The following KIAA1328 variants were observed in gnomAD, a reference collection of about 807,000 sequenced individuals.
The protein encoded by KIAA1328 is protein hinderin.
In KIAA1328, 52 loss-of-function variants were observed where a neutral mutation model predicts 68.1. The observed-to-expected ratio is 0.76, with a 90% CI of 0.61 to 0.96. KIAA1328 has a LOEUF of 0.96. KIAA1328 is among the 40% of genes least tolerant of loss of function. The probability of loss-of-function intolerance (pLI) is 0.00; values close to 1 mark genes in which losing one functional copy is unlikely to be tolerated. For synonymous variants in KIAA1328, 232 were observed against 239.4 expected (o/e 0.97, Z 0.28); for missense variants, 641 against 677.6 (o/e 0.95, Z 0.60).
intron 5 of KIAA1328, among the ~76,000 whole-genome samples, chr18:36,896,446 G>A (rs1447763323): frequency 6.6e-6 from 1 of 152,088 alleles, no homozygotes; most frequent in African/African-American, 2.4e-5. Flanking sequence ...TCCTCAGAGA[G>A]CAACTTCTAT....
At chr18:37,199,515 A>G (rs2154219180) in intron 9 of KIAA1328, among the ~76,000 whole-genome samples, 1 of 152,264 alleles carries the variant, frequency 6.6e-6, no homozygotes, top group East Asian at 1.9e-4. Flanking sequence ...CATTTGGTTG[A>G]TTCCGTGTCT....
chr18:37,130,777 G>C (rs1166657589), intron 7 of KIAA1328, among the ~76,000 whole-genome samples: 2 of 152,122 alleles, frequency 1.3e-5, no homozygotes, highest in Admixed American at 6.5e-5. Flanking sequence ...GAAAAAAAGA[G>C]TATGTGTCTT....
At chr18:37,116,286 C>G (rs1164312080) in intron 7 of KIAA1328, among the ~76,000 whole-genome samples, 2 of 152,342 alleles carry the variant, frequency 1.3e-5, no homozygotes, top group South Asian at 4.1e-4. Context: ...GTAACCAAAA[C>G]AGCATGGTAC....
At chr18:37,103,381 G>T (rs1000460103) in intron 7 of KIAA1328, among the ~76,000 whole-genome samples, 16 of 152,040 alleles carry the variant, frequency 1.1e-4, no homozygotes, top group Non-Finnish European at 1.5e-5. Context: ...CTTTTGACTG[G>T]GTGCCAAGAG....
At chr18:36,949,527 A>G (rs1490522890) in intron 5 of KIAA1328, among the ~76,000 whole-genome samples, 2 of 150,810 alleles carry the variant, frequency 1.3e-5, no homozygotes, top group Non-Finnish European at 3.0e-5. Flanking sequence ...TCTAAAATCC[A>G]TAGGGTCTAA....
At chr18:36,885,839 C>A (rs2048482440) in intron 5 of KIAA1328, 167 bp downstream of exon 5, 3 of 531,436 alleles carry the variant, frequency 5.6e-6, no homozygotes, top group Non-Finnish European at 1.0e-5. Flanking sequence ...ACCTCAGCCT[C>A]CCGAGTAGCT....
intron 6 of KIAA1328, among the ~76,000 whole-genome samples, chr18:36,989,695 C>CT (rs971069690): frequency 7.9e-5 from 12 of 151,438 alleles, no homozygotes; most frequent in Admixed American, 4.6e-4. Context: ...CTTTTTACTA[C>CT]TTTTTTTTTC....
chr18:36,989,861 A>AT (rs1485765013), intron 6 of KIAA1328, among the ~76,000 whole-genome samples: 1 of 151,896 alleles, frequency 6.6e-6, no homozygotes, highest in Non-Finnish European at 1.5e-5. Context: ...CGCTCAGCTA[A>AT]TTTTTTGTAT....
intron 6 of KIAA1328, among the ~76,000 whole-genome samples, chr18:36,972,592 G>A (rs546866275): frequency 1.3e-5 from 2 of 152,240 alleles, no homozygotes; most frequent in Admixed American, 1.3e-4. Context: ...TGTCAGAGTA[G>A]CCAAGGAAAA....
intron 8 of KIAA1328, among the ~76,000 whole-genome samples, chr18:37,171,689 G>C (rs1277625075): frequency 2.0e-5 from 3 of 152,174 alleles, no homozygotes; most frequent in Admixed American, 6.5e-5. Flanking sequence ...TGTGCATTTA[G>C]AGGCTGGTCT....
At chr18:36,921,098 C>T (rs2049903489) in intron 5 of KIAA1328, 1 of 152,180 alleles carries the variant, frequency 6.6e-6, no homozygotes, top group South Asian at 2.1e-4. Context: ...GTCCTTTCTC[C>T]AACATCTGGA....
chr18:36,967,076 C>A (rs2051970769), intron 6 of KIAA1328, among the ~76,000 whole-genome samples: 1 of 152,148 alleles, frequency 6.6e-6, no homozygotes, highest in Non-Finnish European at 1.5e-5. Flanking sequence ...CCTTGGCCCC[C>A]TGGCAAAATG....
At chr18:37,062,040 A>G (rs1289105902) in intron 6 of KIAA1328, among the ~76,000 whole-genome samples, 2 of 152,206 alleles carry the variant, frequency 1.3e-5, no homozygotes, top group Non-Finnish European at 2.9e-5. Flanking sequence ...CACGCGCTTT[A>G]TATGTATTAC....
intron 7 of KIAA1328, among the ~76,000 whole-genome samples, chr18:37,121,677 A>G (rs1015109518): frequency 2.6e-5 from 4 of 152,154 alleles, no homozygotes; most frequent in Non-Finnish European, 2.9e-5. Flanking sequence ...TAGCTTTCCT[A>G]GTTAAGACAA....
chr18:37,071,750 A>T (rs563964091), intron 7 of KIAA1328, among the ~76,000 whole-genome samples: 5 of 152,160 alleles, frequency 3.3e-5, no homozygotes, highest in Non-Finnish European at 7.3e-5. Flanking sequence ...GATTTGTTTT[A>T]TTGGTTGCTC....
intron 7 of KIAA1328, among the ~76,000 whole-genome samples, chr18:37,070,728 G>T (rs2056495468): frequency 6.6e-6 from 1 of 151,838 alleles, no homozygotes; most frequent in African/African-American, 2.4e-5. Context: ...CCACCACCAT[G>T]CCCGGCTAGT....
At chr18:37,058,774 A>T (rs933880006) in intron 6 of KIAA1328, among the ~76,000 whole-genome samples, 1 of 152,130 alleles carries the variant, frequency 6.6e-6, no homozygotes, top group African/African-American at 2.4e-5. Flanking sequence ...TCTAGTATGG[A>T]TGTTGAAGCA....
At position 36,986,161 on chromosome 18, in the gene KIAA1328, GT is replaced by G. The variant is rs140633181; in HGVS notation, c.576+26738del. On this transcript the variant is annotated intron_variant, in intron 6 of 9. Transcript: ENST00000280020. The stretch of plus-strand genomic sequence containing the variant: ...AGTTACACACTGGTATTCACAGCAG[GT>G]TTTTTTTTTTTATAACCTCAAATTA... Among the ~76,000 whole-genome samples the G allele has an allele frequency of 7.9e-3, 1,144 of 145,364 alleles. 8 individuals carry two copies. Among genetic ancestry groups the G allele is most frequent in the African/African-American group, 0.012 (472 of 39,972 alleles).
chr18:36,923,646 A>C (rs1294317548), intron 5 of KIAA1328: 1 of 152,244 alleles, frequency 6.6e-6, no homozygotes, highest in Non-Finnish European at 1.5e-5. Flanking sequence ...CATTCTAGAC[A>C]GACAGACATA....
Sources: allele counts gnomAD v4.1 joint callset (sites outside exome capture counted in the v4.1 genomes callset), GRCh38; gene constraint gnomAD v4.1.1; transcripts MANE v1.5; gene names NCBI Gene and HGNC (gene_info 2026-07-23, HGNC 2026-07-21).